SLC9A1: variants seen among roughly 807,000 people sequenced by gnomAD.
SLC9A1 encodes sodium/hydrogen exchanger 1.
In SLC9A1, 22 loss-of-function variants were observed where a neutral mutation model predicts 67.9. The observed-to-expected ratio is 0.32, with a 90% CI of 0.23 to 0.46. The LOEUF (loss-of-function observed/expected upper bound fraction) is 0.46, where lower values mean the gene tolerates loss of function less well. SLC9A1 is among the 20% of genes least tolerant of loss of function. The pLI, the probability that SLC9A1 is intolerant of heterozygous loss-of-function variation, is 1.00. For synonymous variants in SLC9A1, 421 were observed against 471.8 expected (o/e 0.89, Z 1.40); for missense variants, 686 against 1,094.8 (o/e 0.63, Z 5.27).
intron 4 of SLC9A1, 98 bp downstream of exon 4, chr1:27,107,550 A>C: frequency 1.1e-6 from 1 of 877,138 alleles, no homozygotes; most frequent in Non-Finnish European, 1.8e-6. Flanking sequence ...CCTTCCACAT[A>C]GTGCACTGCA....
At chr1:27,119,143 G>A (rs1372219981) in intron 1 of SLC9A1, among the ~76,000 whole-genome samples, 2 of 151,800 alleles carry the variant, frequency 1.3e-5, no homozygotes, top group African/African-American at 4.8e-5. Flanking sequence ...CCAGCCCCCT[G>A]CGGCTGCTCT....
chr1:27,105,501 TTA>T (rs1202867718), intron 5 of SLC9A1: 16 of 572,804 alleles, frequency 2.8e-5, no homozygotes, highest in South Asian at 1.5e-4. Context: ...TTTCACCATG[TTA>T]GTCAGGCTGG....
rs35231148 is a variant in SLC9A1 at position 27,119,042 on chromosome 1, A to AACACACACACAC, written c.353-4768_353-4757dup. On this transcript the variant is annotated intron_variant, in intron 1 of 11. Coordinates refer to ENST00000263980, the MANE Select transcript of SLC9A1 (RefSeq NM_003047.5). ...TCTAGTGTAGGTGGTAGCTGGAACGAACACACACACACACACACACACACA... is the reference window on the plus strand; with the variant it reads ...TCTAGTGTAGGTGGTAGCTGGAACGAACACACACACACACACACACACACACACACACACACA... Among the ~76,000 whole-genome samples, 64 of 139,444 alleles carry AACACACACACAC rather than the reference A, an allele frequency of 4.6e-4. No homozygotes were observed. The East Asian group carries it at 9.5e-3, about 21-fold the overall frequency. The allele number at this position is 139,444 out of a possible 152,430, so 91.5% of individuals were successfully genotyped here. A position where few individuals can be genotyped will look rare whatever the true frequency, so the allele number is the denominator to read the frequency against.
intron 1 of SLC9A1, among the ~76,000 whole-genome samples, chr1:27,146,669 C>T (rs1377277727): frequency 6.6e-6 from 1 of 152,170 alleles, no homozygotes; most frequent in Non-Finnish European, 1.5e-5. Flanking sequence ...GTCCCAGCTA[C>T]TCAGGAGGCT....
intron 1 of SLC9A1, among the ~76,000 whole-genome samples, chr1:27,144,991 G>A (rs974648049): frequency 1.5e-4 from 22 of 151,166 alleles, no homozygotes; most frequent in African/African-American, 5.4e-4. Context: ...AGAAGTTGCA[G>A]TGAGCTGAGA....
chr1:27,107,923 C>T, intron 3 of SLC9A1, 58 bp from the exon 4 acceptor site: 2 of 1,333,876 alleles, frequency 1.5e-6, no homozygotes, highest in Non-Finnish European at 2.1e-6. Flanking sequence ...GCTCGAGCCC[C>T]TCCACTGCCA....
At chr1:27,125,151 C>T (rs775989821) in intron 1 of SLC9A1, among the ~76,000 whole-genome samples, 1 of 151,860 alleles carries the variant, frequency 6.6e-6, no homozygotes, top group Non-Finnish European at 1.5e-5. Flanking sequence ...TGCTAACACC[C>T]ATCCAAGCCA....
intron 1 of SLC9A1, among the ~76,000 whole-genome samples, chr1:27,150,599 A>G (rs2083520155): frequency 1.3e-5 from 2 of 152,142 alleles, no homozygotes; most frequent in Admixed American, 1.3e-4. Flanking sequence ...CCAATAGCCT[A>G]AATCCTCTTC....
chr1:27,139,797 G>GTT (rs539350944), intron 1 of SLC9A1, among the ~76,000 whole-genome samples: 3 of 133,870 alleles, frequency 2.2e-5, no homozygotes, highest in Non-Finnish European at 3.3e-5. Context: ...CACACTCATT[G>GTT]TTTTTTTTTT....
intron 1 of SLC9A1, among the ~76,000 whole-genome samples, chr1:27,117,455 C>T (rs1341916763): frequency 6.6e-6 from 1 of 152,196 alleles, no homozygotes; most frequent in Non-Finnish European, 1.5e-5. Context: ...CTAAAAATGC[C>T]TCCTACCCTC....
chr1:27,107,190 CCACACA>C (rs1193233144), intron 4 of SLC9A1, among the ~76,000 whole-genome samples: 1 of 248 alleles, frequency 4.0e-3, no homozygotes. Flanking sequence ...CACAGCCCCT[CCACACA>C]CACACACACA....
Position 27,100,701 on chromosome 1 carries a change from G to T in SLC9A1, c.2111-57C>A, listed in dbSNP as rs548335504. 1 of 1,433,550 alleles carries T rather than the reference G, an allele frequency of 7.0e-7. No homozygotes were observed. Among genetic ancestry groups the T allele is most frequent in the African/African-American group, 1.4e-5 (1 of 70,916 alleles). The allele number at this position is 1,433,550 out of a possible 1,614,324, so 88.8% of individuals were successfully genotyped here. A position where few individuals can be genotyped will look rare whatever the true frequency, so the allele number is the denominator to read the frequency against. On this transcript the variant is annotated intron_variant, in intron 11 of 11. Coordinates refer to ENST00000263980, the MANE Select transcript of SLC9A1 (RefSeq NM_003047.5). This position sits in a 1 kb window ranked among gnomAD's most constrained non-coding sequence, Gnocchi z 5.6. Reference sequence around the variant, plus strand: ...TCCGCTCTGGAGCCCGGCCCAGCACGTGCCACTCGGCCGCGTCAGTGCCTC... The same window carrying T: ...TCCGCTCTGGAGCCCGGCCCAGCACTTGCCACTCGGCCGCGTCAGTGCCTC...
At chr1:27,127,435 TGA>T (rs2083353308) in intron 1 of SLC9A1, among the ~76,000 whole-genome samples, 1 of 152,198 alleles carries the variant, frequency 6.6e-6, no homozygotes, top group African/African-American at 2.4e-5. Flanking sequence ...GAACAGACAT[TGA>T]GAGAGGTCCA....
At chr1:27,134,786 G>T (rs1487740408) in intron 1 of SLC9A1, among the ~76,000 whole-genome samples, 1 of 152,244 alleles carries the variant, frequency 6.6e-6, no homozygotes, top group Non-Finnish European at 1.5e-5. Flanking sequence ...ACCCAGGCTG[G>T]AGTGCAGTGG....
In SLC9A1 at chr1:27,118,571, C is replaced by G. The variant is rs947033197; in HGVS notation, c.353-4285G>C. Among the ~76,000 whole-genome samples the G allele has an allele frequency of 6.6e-6, 1 of 152,134 alleles. No individual in the cohort carries two copies. The highest frequency in any genetic ancestry group is 6.5e-5 in the Admixed American group (1 of 15,276). ...AGAAGGATGGCTGCGGCCCCTGGTA[C>G]CCTGACAAAAGCCCTGCATGGAGGC... On this transcript the variant is annotated intron_variant, in intron 1 of 11. Coordinates refer to ENST00000263980, the MANE Select transcript of SLC9A1 (RefSeq NM_003047.5). This position sits in a 1 kb window ranked among gnomAD's most constrained non-coding sequence, Gnocchi z 4.3.
intron 3 of SLC9A1, 145 bp from the exon 4 acceptor site, chr1:27,108,010 C>G (rs979095213): frequency 2.5e-5 from 16 of 629,534 alleles, no homozygotes; most frequent in Non-Finnish European, 4.0e-5. Flanking sequence ...GTGCTTTACA[C>G]CCTCTTGCCA....
intron 1 of SLC9A1, among the ~76,000 whole-genome samples, chr1:27,126,115 C>T (rs1317655086): frequency 6.6e-6 from 1 of 152,126 alleles, no homozygotes; most frequent in African/African-American, 2.4e-5. Flanking sequence ...CAGATTCCCT[C>T]CCTTCCTTCA....
At chr1:27,107,532 A>G (rs2083196807) in intron 4 of SLC9A1, 116 bp downstream of exon 4, 4 of 761,544 alleles carry the variant, frequency 5.3e-6, no homozygotes, top group African/African-American at 3.5e-5. Context: ...CACACCACAT[A>G]GCCTGGCCCT....
At chr1:27,141,719 G>A (rs2083454188) in intron 1 of SLC9A1, among the ~76,000 whole-genome samples, 1 of 152,192 alleles carries the variant, frequency 6.6e-6, no homozygotes, top group Admixed American at 6.5e-5. Context: ...TCAGGGAAGC[G>A]GGTGGGGTAG....
Sources: allele counts gnomAD v4.1 joint callset (sites outside exome capture counted in the v4.1 genomes callset), GRCh38; gene constraint gnomAD v4.1.1; non-coding constraint Gnocchi (gnomAD v3.1); transcripts MANE v1.5; gene names NCBI Gene and HGNC (gene_info 2026-07-23, HGNC 2026-07-21).